Variants in ZNF44 observed in about 807,000 individuals in gnomAD.
ZNF44 encodes zinc finger protein 44, also known as gonadotropin inducible transcription repressor-2.
ZNF44 carries 9 observed loss-of-function variants against 11.7 expected under a neutral mutation model. The ratio of observed to expected loss-of-function variants is 0.77; its 90% CI spans 0.46 to 1.35. The LOEUF is 1.35. Among genes scored for constraint, ZNF44 ranks in the 40% most tolerant of loss-of-function variants. The pLI is 0.00. For synonymous variants in ZNF44, 224 were observed against 242.7 expected (o/e 0.92, Z 0.72); for missense variants, 696 against 743.1 (o/e 0.94, Z 0.74).
At chr19:12,228,229 TCCAC>T (rs1916003417) in intron 3 of ZNF44, among the ~76,000 whole-genome samples, 2 of 151,918 alleles carry the variant, frequency 1.3e-5, no homozygotes, top group South Asian at 4.1e-4. Context: ...TAGGTAAAAA[TCCAC>T]ATTCTCATGC....
At chr19:12,274,860 GAATA>G (rs1229773778) in intron 3 of ZNF44, 109 bp downstream of exon 3, 1 of 691,254 alleles carries the variant, frequency 1.4e-6, no homozygotes. Flanking sequence ...ATTTTTCTAA[GAATA>G]AATAAATTTA....
intron 1 of ZNF44, chr19:12,284,795 C>T (rs1041577425): frequency 1.9e-5 from 22 of 1,183,014 alleles, no homozygotes; most frequent in East Asian, 5.1e-5. Context: ...CCACTGTCCT[C>T]GTGCGCAGAG....
intron 1 of ZNF44, among the ~76,000 whole-genome samples, chr19:12,292,836 T>C (rs546975530): frequency 2.7e-5 from 4 of 149,598 alleles, no homozygotes; most frequent in African/African-American, 7.4e-5. Flanking sequence ...GAAAAAAATG[T>C]CAATGTCCCA....
At chr19:12,283,164 T>C (rs776085933) in intron 1 of ZNF44, among the ~76,000 whole-genome samples, 64 of 152,074 alleles carry the variant, frequency 4.2e-4, no homozygotes, top group Non-Finnish European at 4.1e-4. Flanking sequence ...AACAAAAGTA[T>C]CCCATGAAAG....
At chr19:12,229,308 G>T (rs974575044) in intron 3 of ZNF44, among the ~76,000 whole-genome samples, 1 of 152,158 alleles carries the variant, frequency 6.6e-6, no homozygotes, top group African/African-American at 2.4e-5. Flanking sequence ...AGTAGAGCTG[G>T]AAGACAAAGA....
upstream of ZNF44, among the ~76,000 whole-genome samples, chr19:12,238,701 C>T (rs1916495161): frequency 6.6e-6 from 1 of 151,514 alleles, no homozygotes; most frequent in Non-Finnish European, 1.5e-5. Context: ...GAGGTCGAGG[C>T]AGGACAATCA....
chr19:12,244,550 C>A (rs935210017), downstream of ZNF44: 1 of 152,630 alleles, frequency 6.6e-6, no homozygotes, highest in African/African-American at 2.4e-5. Context: ...ATGACAGCTG[C>A]TCCCCAACTC....
At chr19:12,254,464 T>G (rs911428734) in intron 5 of ZNF44, among the ~76,000 whole-genome samples, 1 of 152,250 alleles carries the variant, frequency 6.6e-6, no homozygotes, top group African/African-American at 2.4e-5. Context: ...CTGGGCCTGG[T>G]GGCTCACACG....
At chr19:12,293,480 T>G (rs1968103989) in intron 1 of ZNF44, 1 of 1,112,712 alleles carries the variant, frequency 9.0e-7, no homozygotes, top group South Asian at 2.0e-5. Flanking sequence ...GGTTTGGTTT[T>G]TTTTACAGCA....
rs552902843 is a variant in ZNF44 at position 12,290,112 on chromosome 19, G to A, written c.3+4580C>T. 5.3e-5 allele frequency among the ~76,000 whole-genome samples: 8 copies of A among 152,100 alleles called. No homozygotes were observed. In the South Asian group the frequency reaches 1.2e-3, roughly 24 times the overall value. On this transcript the variant is annotated intron_variant, in intron 1 of 3. Coordinates refer to ENST00000355684, the MANE Select transcript of ZNF44 (RefSeq NM_016264.4). Reference sequence around the variant, plus strand: ...AGTATAAAAGGCTCTTTGGCTGGGCGTGGTGGCTCACGCCTGTAATCCCAG... The same window carrying A: ...AGTATAAAAGGCTCTTTGGCTGGGCATGGTGGCTCACGCCTGTAATCCCAG...
At chr19:12,261,697 G>T (rs763269700) in intron 5 of ZNF44, among the ~76,000 whole-genome samples, 23 of 152,034 alleles carry the variant, frequency 1.5e-4, no homozygotes, top group Non-Finnish European at 3.1e-4. Context: ...GGAAAAATAC[G>T]CATTTACAAT....
At position 12,273,868 on chromosome 19, in the gene ZNF44, T is replaced by C; in HGVS notation, c.387A>G (p.Lys129=). ...CTGCATATTCATGACACTCCCGGTG[T>C]TTGTGTCCAGTATCAACTCTGATGT... is the stretch of plus-strand genomic sequence containing the variant. ...NCYIRVDTGH[K]HRECHEYAEK... is the part of the protein sequence containing the mutation. Residue 129 remains lysine, a synonymous_variant, in exon 4 of 4, where the codon AAA becomes AAG. Coordinates refer to ENST00000355684, the MANE Select transcript of ZNF44 (RefSeq NM_016264.4). The C allele has an allele frequency of 6.2e-7, 1 of 1,614,210 alleles. No homozygotes were observed. Among genetic ancestry groups the C allele is most frequent in the Non-Finnish European group, 8.5e-7 (1 of 1,180,036 alleles).
At chr19:12,274,830 T>C (rs907918108) in intron 3 of ZNF44, 143 bp downstream of exon 3, 7 of 542,752 alleles carry the variant, frequency 1.3e-5, no homozygotes, top group Admixed American at 3.5e-5. Flanking sequence ...TCACATTTAA[T>C]AATATATTTT....
chr19:12,256,814 T>C (rs1381610613), intron 5 of ZNF44, among the ~76,000 whole-genome samples: 3 of 151,652 alleles, frequency 2.0e-5, no homozygotes, highest in Non-Finnish European at 4.4e-5. Context: ...AAGTGATTCT[T>C]GTGCCTCAGC....
At chr19:12,288,438 C>T (rs1967850423) in intron 1 of ZNF44, among the ~76,000 whole-genome samples, 1 of 151,968 alleles carries the variant, frequency 6.6e-6, no homozygotes, top group South Asian at 2.1e-4. Context: ...GCCCTGTAAT[C>T]CTGGTAATAA....
chr19:12,270,017 T>G (rs973132855), downstream of ZNF44, among the ~76,000 whole-genome samples: 1 of 152,204 alleles, frequency 6.6e-6, no homozygotes, highest in Non-Finnish European at 1.5e-5. Flanking sequence ...GCAAATTGAC[T>G]CCTTCACAGT....
intron 2 of ZNF44, 54 bp from the exon 3 acceptor site, chr19:12,275,087 A>C: frequency 7.4e-7 from 1 of 1,359,202 alleles, no homozygotes; most frequent in Non-Finnish European, 1.0e-6. Flanking sequence ...TGATACAAAA[A>C]TTGTTAAGAT....
chr19:12,284,369 C>G, intron 1 of ZNF44: 1 of 597,084 alleles, frequency 1.7e-6, no homozygotes, highest in Non-Finnish European at 3.1e-6. Context: ...CGCGGGGGTC[C>G]AGAGGCCCTG....
rs371538950 is a variant in ZNF44 at position 12,273,245 on chromosome 19, T to G, written c.1010A>C (p.His337Pro). ...GCCTTTCCCACATATCTTACATTTATGAGGTCCATCTCCACTGTGCATTAT... is the reference window on the plus strand; with the variant it reads ...GCCTTTCCCACATATCTTACATTTAGGAGGTCCATCTCCACTGTGCATTAT... ...HMIMHSGDGP[H>P]KCKICGKGFD... The change falls in exon 4 of 4, where the codon CAT becomes CCT. Residue 337 changes from histidine to proline, a missense_variant. Coordinates refer to ENST00000355684, the MANE Select transcript of ZNF44 (RefSeq NM_016264.4). 4.0e-5 allele frequency: 65 copies of G among 1,614,046 alleles called. No homozygotes were observed. Among genetic ancestry groups the G allele is most frequent in the Non-Finnish European group, 5.4e-5 (64 of 1,180,014 alleles).
Sources: allele counts gnomAD v4.1 joint callset (sites outside exome capture counted in the v4.1 genomes callset), GRCh38; gene constraint gnomAD v4.1.1; transcripts MANE v1.5; gene names NCBI Gene and HGNC (gene_info 2026-07-23, HGNC 2026-07-21).